Variants in MROH7 observed in about 807,000 individuals in gnomAD.
MROH7 encodes the protein maestro heat-like repeat-containing protein family member 7.
In MROH7, 113 loss-of-function variants were observed where a neutral mutation model predicts 129.2. That is an observed-to-expected ratio of 0.87 (90% CI 0.75 to 1.02). The LOEUF is 1.02. Ranked by LOEUF, MROH7 falls within the 50% of genes least tolerant of loss-of-function variation. The pLI, the probability that MROH7 is intolerant of heterozygous loss-of-function variation, is 0.00. For missense variants in MROH7, 1,601 were observed against 1,671.3 expected (o/e 0.96, Z 0.73); for synonymous variants, 655 against 667.9 (o/e 0.98, Z 0.30).
Position 54,653,628 on chromosome 1 carries a change from A to G in MROH7, c.702A>G (p.Pro234=). 1 of 1,614,174 alleles carries G rather than the reference A, an allele frequency of 6.2e-7. No individual in the cohort carries two copies. The highest frequency in any genetic ancestry group is 8.5e-7 in the Non-Finnish European group (1 of 1,180,020). Residue 234 remains proline (P), a synonymous_variant, in exon 3 of 24, where the codon CCA becomes CCG. Transcript: ENST00000421030. The part of the protein sequence containing the change: ...NTSKLNLNVA[P]DSHGTLIPDT... ...CCAAGCTGAACCTGAATGTAGCTCC[A>G]GATTCTCATGGGACCCTAATCCCAG...
chr1:54,649,139 C>T (rs1407889349), intron 1 of MROH7, among the ~76,000 whole-genome samples: 2 of 152,178 alleles, frequency 1.3e-5, no homozygotes, highest in Non-Finnish European at 2.9e-5. Context: ...AGTGTGTTCT[C>T]AATGATGAAC....
chr1:54,670,060 C>T (rs900145938), intron 5 of MROH7, among the ~76,000 whole-genome samples: 7 of 118,722 alleles, frequency 5.9e-5, no homozygotes, highest in Non-Finnish European at 1.0e-4. Context: ...CATGAGGTCT[C>T]ATCTTAAAAA....
chr1:54,663,789 C>G (rs781215576), intron 3 of MROH7: 14 of 454,684 alleles, frequency 3.1e-5, no homozygotes, highest in African/African-American at 2.8e-4. Flanking sequence ...ACTTTCCCTG[C>G]TTGAGTCCTG....
intron 22 of MROH7, among the ~76,000 whole-genome samples, chr1:54,707,503 G>A (rs1249802522): frequency 6.6e-6 from 1 of 152,188 alleles, no homozygotes; most frequent in African/African-American, 2.4e-5. Context: ...AAGGTGTGGC[G>A]ATAGGGGGTG....
chr1:54,682,889 C>T lies in MROH7; in HGVS notation c.2520+95C>T, dbSNP rs1050524480. On this transcript the variant is annotated intron_variant, in intron 14 of 23. Coordinates refer to ENST00000421030, the MANE Select transcript of MROH7 (RefSeq NM_001039464.4). ...GCTAAGCACACCCGGCCTCGAGTAC[C>T]GCACTCTGCCAGTAACTAGTTGTGT... The T allele has an allele frequency of 9.1e-5, 126 of 1,378,480 alleles. 1 individual carries two copies. In the South Asian group the frequency reaches 1.4e-3, roughly 16 times the overall value. 85.4% of individuals were successfully genotyped at this position (1,378,480 alleles called of 1,614,324 possible).
chr1:54,700,991 G>A (rs926370645), intron 18 of MROH7, 152 bp from the exon 19 acceptor site: 6 of 801,990 alleles, frequency 7.5e-6, no homozygotes, highest in Non-Finnish European at 1.2e-5. Context: ...AAGAGGTTGG[G>A]TGAGGGTATT....
At chr1:54,657,278 T>C (rs188716570) in intron 3 of MROH7, among the ~76,000 whole-genome samples, 151 of 151,982 alleles carry the variant, frequency 9.9e-4, no homozygotes, top group African/African-American at 3.2e-3. Flanking sequence ...CTTGAACTTC[T>C]GGGCTCAAGT....
At chr1:54,679,813 C>G in intron 12 of MROH7, 78 bp from the exon 13 acceptor site, 1 of 1,426,562 alleles carries the variant, frequency 7.0e-7, no homozygotes, top group Non-Finnish European at 9.6e-7. Flanking sequence ...ACCCCCTTCC[C>G]TCTCCTCCCA....
intron 4 of MROH7, among the ~76,000 whole-genome samples, chr1:54,667,993 TG>T (rs1461349354): frequency 6.6e-6 from 1 of 152,218 alleles, no homozygotes; most frequent in Non-Finnish European, 1.5e-5. Context: ...TGGGCTTAGC[TG>T]GGTGTTTCTT....
At chr1:54,673,862 G>A in intron 9 of MROH7, 57 bp downstream of exon 9, 2 of 1,548,144 alleles carry the variant, frequency 1.3e-6, no homozygotes, top group South Asian at 1.1e-5. Context: ...CACTTCTGAA[G>A]GAGCCCGTAC....
intron 15 of MROH7, among the ~76,000 whole-genome samples, chr1:54,686,758 G>T (rs1481236551): frequency 1.3e-5 from 2 of 152,078 alleles, no homozygotes; most frequent in Admixed American, 1.3e-4. Flanking sequence ...TTGTATCCAA[G>T]GCCCAAATAC....
intron 22 of MROH7, among the ~76,000 whole-genome samples, chr1:54,707,113 T>C (rs1157955821): frequency 6.6e-6 from 1 of 152,092 alleles, no homozygotes; most frequent in Non-Finnish European, 1.5e-5. Flanking sequence ...TCCCAAACTT[T>C]CTTTTTGGAA....
intron 14 of MROH7, among the ~76,000 whole-genome samples, chr1:54,683,656 C>T (rs938022336): frequency 4.6e-5 from 7 of 152,296 alleles, no homozygotes; most frequent in Non-Finnish European, 8.8e-5. Flanking sequence ...CATCCCTGGC[C>T]GGCTTCCCCA....
intron 4 of MROH7, among the ~76,000 whole-genome samples, chr1:54,668,283 A>G (rs548825906): frequency 9.8e-5 from 15 of 152,366 alleles, no homozygotes; most frequent in African/African-American, 3.4e-4. Flanking sequence ...TCCTTTGGAT[A>G]GGAGGAGCAG....
At chr1:54,667,449 A>C (rs1403477301) in intron 4 of MROH7, among the ~76,000 whole-genome samples, 1 of 145,296 alleles carries the variant, frequency 6.9e-6, no homozygotes, top group Non-Finnish European at 1.5e-5. Context: ...CGTGAGACCC[A>C]GTGTTTACAA....
chr1:54,684,042 C>T (rs1645110299), intron 14 of MROH7, among the ~76,000 whole-genome samples: 1 of 152,236 alleles, frequency 6.6e-6, no homozygotes, highest in Non-Finnish European at 1.5e-5. Context: ...CTTGCATACA[C>T]CTGGCGCATA....
intron 10 of MROH7, among the ~76,000 whole-genome samples, chr1:54,676,975 A>G (rs908749282): frequency 3.3e-5 from 5 of 151,664 alleles, no homozygotes; most frequent in African/African-American, 1.2e-4. Flanking sequence ...CCAAAGTGTT[A>G]GGATTACAGG....
rs1040826427 is a variant in MROH7 at position 54,649,735 on chromosome 1, T to C, written c.-109-2214T>C. ...AAATGCCTCCCTTTGGTGACTATGGTCCTGTGTGTGTGCATGTGGCACGTT... is the reference window on the plus strand; with the variant it reads ...AAATGCCTCCCTTTGGTGACTATGGCCCTGTGTGTGTGCATGTGGCACGTT... On this transcript the variant is annotated intron_variant, in intron 1 of 23. Transcript: ENST00000421030. Among the ~76,000 whole-genome samples the C allele has an allele frequency of 1.2e-4, 18 of 152,344 alleles. No individual in the cohort carries two copies. The East Asian group carries it at 1.7e-3, about 15-fold the overall frequency.
intron 3 of MROH7, among the ~76,000 whole-genome samples, chr1:54,656,829 A>G (rs1644656443): frequency 6.6e-6 from 1 of 151,944 alleles, no homozygotes; most frequent in Non-Finnish European, 1.5e-5. Flanking sequence ...ATAAATAAAT[A>G]AAATAAAAAT....
Sources: allele counts gnomAD v4.1 joint callset (sites outside exome capture counted in the v4.1 genomes callset), GRCh38; gene constraint gnomAD v4.1.1; transcripts MANE v1.5; gene names NCBI Gene and HGNC (gene_info 2026-07-23, HGNC 2026-07-21).